Variants in PIBF1 observed in about 807,000 individuals in gnomAD.
The protein encoded by PIBF1 is progesterone-induced-blocking factor 1.
In PIBF1, 90 loss-of-function variants were observed where a neutral mutation model predicts 112.5. The observed-to-expected ratio is 0.80, with a 90% CI of 0.67 to 0.95. The LOEUF (loss-of-function observed/expected upper bound fraction) is 0.95. Ranked by LOEUF, PIBF1 falls within the 40% of genes least tolerant of loss-of-function variation. The pLI, the probability that PIBF1 is intolerant of heterozygous loss-of-function variation, is 0.00. For missense variants in PIBF1, 915 were observed against 852.3 expected, an observed-to-expected ratio of 1.07 and a Z score of -0.92; for synonymous variants, 301 against 288.6, an observed-to-expected ratio of 1.04 and a Z score of -0.44.
At chr13:72,980,512 A>T (rs188497892) in intron 16 of PIBF1, among the ~76,000 whole-genome samples, 51 of 152,274 alleles carry the variant, frequency 3.3e-4, no homozygotes, top group Non-Finnish European at 3.5e-4. Flanking sequence ...AAGATGCTAA[A>T]GGGCCGGCAC....
intron 11 of PIBF1, among the ~76,000 whole-genome samples, chr13:72,896,338 C>G (rs1023665265): frequency 2.0e-5 from 3 of 152,068 alleles, no homozygotes; most frequent in African/African-American, 7.2e-5. Context: ...TCTGAGAGAG[C>G]CTACCCAAAT....
At chr13:72,791,581 AGAATT>A (rs1229789093) in intron 2 of PIBF1, among the ~76,000 whole-genome samples, 1 of 152,218 alleles carries the variant, frequency 6.6e-6, no homozygotes, top group African/African-American at 2.4e-5. Flanking sequence ...CACAGTGTTT[AGAATT>A]TATTCTGAGG....
intron 10 of PIBF1, among the ~76,000 whole-genome samples, chr13:72,856,585 AAATGAGTGAATG>A (rs2038432877): frequency 6.6e-6 from 1 of 152,346 alleles, no homozygotes; most frequent in Non-Finnish European, 1.5e-5. Context: ...ACTTATGAAT[AAATGAGTGAATG>A]AATGAGAATA....
At chr13:72,943,709 C>G (rs148304988) in intron 14 of PIBF1, among the ~76,000 whole-genome samples, 146 of 152,302 alleles carry the variant, frequency 9.6e-4, no homozygotes, top group African/African-American at 3.2e-3. Flanking sequence ...TACCTTCGTA[C>G]TCCTCAGTCT....
chr13:72,865,391 ATTTATATAGAGAAT>A (rs2038882434), intron 10 of PIBF1, among the ~76,000 whole-genome samples: 1 of 152,190 alleles, frequency 6.6e-6, no homozygotes, highest in South Asian at 2.1e-4. Flanking sequence ...AAAACTAGCA[ATTTATATAGAGAAT>A]TTTACATAGT....
chr13:73,005,327 G>A (rs2043998010), intron 17 of PIBF1, among the ~76,000 whole-genome samples: 1 of 148,500 alleles, frequency 6.7e-6, no homozygotes, highest in East Asian at 2.0e-4. Context: ...TTTTAAATTA[G>A]CCAGGCATGG....
Position 72,827,072 on chromosome 13 carries a change from CCT to C in PIBF1, c.873_874del (p.Met293AspfsTer8). ...AGGAGAAAACATGAAATACTTGAAG[CCT>C]CTCACATGATTCAAACAAAAGAACG... On this transcript the variant is annotated frameshift_variant, in exon 7 of 18. Transcript: ENST00000326291. LOFTEE classifies it high-confidence loss of function. 3 of 1,603,632 alleles carry C rather than the reference CCT, an allele frequency of 1.9e-6. No individual in the cohort carries two copies. Among genetic ancestry groups the C allele is most frequent in the Non-Finnish European group, 2.6e-6 (3 of 1,174,442 alleles).
chr13:72,980,927 A>G (rs1218168898), intron 16 of PIBF1, among the ~76,000 whole-genome samples: 1 of 151,744 alleles, frequency 6.6e-6, no homozygotes, highest in East Asian at 2.0e-4. Context: ...AGATAGGACA[A>G]TTGAGGAAGG....
intron 5 of PIBF1, among the ~76,000 whole-genome samples, chr13:72,800,174 T>C (rs967935974): frequency 2.6e-5 from 4 of 152,204 alleles, no homozygotes; most frequent in Non-Finnish European, 4.4e-5. Flanking sequence ...TAGCTGGGCT[T>C]ACAGGCATGC....
intron 9 of PIBF1, among the ~76,000 whole-genome samples, chr13:72,846,236 A>G (rs1438148402): frequency 6.6e-6 from 1 of 152,178 alleles, no homozygotes; most frequent in East Asian, 1.9e-4. Flanking sequence ...TCGATTAAAG[A>G]CAACTCTATT....
At chr13:72,880,628 C>G (rs537427844) in intron 10 of PIBF1, among the ~76,000 whole-genome samples, 2 of 152,140 alleles carry the variant, frequency 1.3e-5, no homozygotes, top group Non-Finnish European at 2.9e-5. Flanking sequence ...CTTCAGAACC[C>G]TTGCTTAATA....
At chr13:72,893,717 G>A (rs2040147187) in intron 10 of PIBF1, 67 bp from the exon 11 acceptor site, 2 of 979,504 alleles carry the variant, frequency 2.0e-6, no homozygotes, top group Admixed American at 5.8e-5. Context: ...TAGAAGTAAG[G>A]TTTATGATTA....
At chr13:72,884,811 C>T (rs2039779650) in intron 10 of PIBF1, 2 of 151,954 alleles carry the variant, frequency 1.3e-5, no homozygotes, top group South Asian at 4.1e-4. Context: ...GTTTGAACAT[C>T]CCAAGATAGA....
intron 14 of PIBF1, among the ~76,000 whole-genome samples, chr13:72,939,654 C>T (rs562391806): frequency 6.6e-6 from 1 of 152,204 alleles, no homozygotes; most frequent in African/African-American, 2.4e-5. Context: ...TAGGTTATTT[C>T]CACCTTCTGA....
intron 13 of PIBF1, among the ~76,000 whole-genome samples, chr13:72,920,729 G>A (rs894725811): frequency 1.3e-5 from 2 of 151,792 alleles, no homozygotes; most frequent in African/African-American, 4.8e-5. Context: ...TGAAGCTGTA[G>A]TACACTATAA....
At chr13:72,985,687 G>A (rs950283055) in intron 16 of PIBF1, among the ~76,000 whole-genome samples, 8 of 152,122 alleles carry the variant, frequency 5.3e-5, no homozygotes, top group Non-Finnish European at 1.0e-4. Context: ...CCGTATCAAG[G>A]AGCTGACACT....
chr13:72,895,312 CTT>C (rs1350628600), intron 11 of PIBF1, among the ~76,000 whole-genome samples: 1 of 148,828 alleles, frequency 6.7e-6, no homozygotes, highest in Non-Finnish European at 1.5e-5. Flanking sequence ...TATATTTAAA[CTT>C]AAATAATATT....
intron 14 of PIBF1, among the ~76,000 whole-genome samples, chr13:72,943,531 G>A (rs1214195687): frequency 6.6e-6 from 1 of 152,124 alleles, no homozygotes; most frequent in African/African-American, 2.4e-5. Flanking sequence ...TGTCCTCTGT[G>A]CTGTCAATCA....
chr13:72,943,056 A>T (rs975608809), intron 14 of PIBF1, among the ~76,000 whole-genome samples: 1 of 152,178 alleles, frequency 6.6e-6, no homozygotes, highest in African/African-American at 2.4e-5. Context: ...CATTACTAGA[A>T]ATACAAGGCT....
Sources: gnomAD v4.1 joint callset for allele counts (sites outside exome capture counted in the v4.1 genomes callset) on GRCh38, gnomAD v4.1.1 for gene constraint, MANE v1.5 for transcripts, NCBI Gene and HGNC (gene_info 2026-07-23, HGNC 2026-07-21) for gene names.